MPHOSPH8: variants seen among roughly 807,000 people sequenced by gnomAD.
MPHOSPH8 encodes the protein M-phase phosphoprotein 8, also known as M-phase phosphoprotein, mpp.
Under a neutral mutation model 87.3 loss-of-function variants are expected in MPHOSPH8, and 45 were observed. That is an observed-to-expected ratio of 0.52 (90% CI 0.41 to 0.66). MPHOSPH8 has a LOEUF of 0.66. Among genes scored for constraint, MPHOSPH8 ranks in the 30% least tolerant of loss-of-function variants. The probability of loss-of-function intolerance (pLI) is 0.00; values close to 1 mark genes in which losing one functional copy is unlikely to be tolerated. For missense variants in MPHOSPH8, 883 were observed against 1,020.2 expected (o/e 0.87, Z 1.83); for synonymous variants, 366 against 376.9 (o/e 0.97, Z 0.33).
intron 1 of MPHOSPH8, among the ~76,000 whole-genome samples, chr13:19,639,246 G>T (rs1002633384): frequency 1.3e-5 from 2 of 151,846 alleles, no homozygotes; most frequent in African/African-American, 4.8e-5. Context: ...CTAGTTGCTT[G>T]CGACTCCTCC....
intron 4 of MPHOSPH8, among the ~76,000 whole-genome samples, chr13:19,648,868 G>A (rs953602802): frequency 4.0e-5 from 6 of 151,818 alleles, no homozygotes; most frequent in Non-Finnish European, 7.4e-5. Flanking sequence ...TATAAATATT[G>A]GAACAAATAC....
At chr13:19,670,987 T>G (rs1217929528) in intron 12 of MPHOSPH8, 1 of 1,162,556 alleles carries the variant, frequency 8.6e-7, no homozygotes. Context: ...ATCCGGCTAA[T>G]TTTTTGTATT....
At chr13:19,650,737 T>G (rs1217162988) in intron 5 of MPHOSPH8, among the ~76,000 whole-genome samples, 1 of 140,952 alleles carries the variant, frequency 7.1e-6, no homozygotes, top group Non-Finnish European at 1.6e-5. Context: ...CTAAAAAGTG[T>G]ACATACATGT....
intron 5 of MPHOSPH8, among the ~76,000 whole-genome samples, chr13:19,653,926 G>A (rs773922544): frequency 6.6e-6 from 1 of 152,158 alleles, no homozygotes; most frequent in Non-Finnish European, 1.5e-5. Flanking sequence ...CCAAATCTAC[G>A]TTTAATTAGT....
Position 19,633,948 on chromosome 13 carries a change from T to G in MPHOSPH8, c.200T>G (p.Met67Arg). Residue 67 changes from methionine to arginine, a missense_variant, in exon 1 of 14, where the codon ATG (methionine) becomes AGG (arginine). By Grantham distance (91) the Met-to-Arg change is moderately conservative. Coordinates refer to ENST00000361479, the MANE Select transcript of MPHOSPH8 (RefSeq NM_017520.4). ...TTCGAGGTGGAGAAGATCCTGGACA[T>G]GAAGACCGAGGGGGTATGTGGAGGG... ...DVFEVEKILD[M>R]KTEGGKVLYK... 1.2e-6 allele frequency: 2 copies of G among 1,608,502 alleles called. No homozygotes were observed. The highest frequency in any genetic ancestry group is 1.7e-6 in the Non-Finnish European group (2 of 1,178,162).
At chr13:19,639,172 C>CT (rs1168958310) in intron 1 of MPHOSPH8, among the ~76,000 whole-genome samples, 1 of 151,512 alleles carries the variant, frequency 6.6e-6, no homozygotes, top group Non-Finnish European at 1.5e-5. Flanking sequence ...GTCTGTGTGT[C>CT]TTTGTTTGGA....
chr13:19,670,448 A>C, intron 12 of MPHOSPH8, 85 bp downstream of exon 12: 1 of 1,433,086 alleles, frequency 7.0e-7, no homozygotes, highest in Non-Finnish European at 9.5e-7. Context: ...CCTGTGTCTT[A>C]ATAAAATATA....
Position 19,671,250 on chromosome 13 carries a change from TA to T in MPHOSPH8, c.2505del (p.Lys835AsnfsTer4), listed in dbSNP as rs761578019. The T allele has an allele frequency of 1.9e-6, 3 of 1,614,136 alleles. No homozygotes were observed. The Admixed American group carries it at 5.0e-5, about 27-fold the overall frequency. On this transcript the variant is annotated frameshift_variant, in exon 13 of 14. Transcript: ENST00000361479. LOFTEE classifies it high-confidence loss of function. ...YSFSPVAGPN[K>X]LFIRLTEAPS... ...CATTCAGCCCTGTTGCAGGTCCCAATAAACTCTTCATAAGGTTGACAGAAGC... is the reference window on the plus strand; with the variant it reads ...CATTCAGCCCTGTTGCAGGTCCCAATAACTCTTCATAAGGTTGACAGAAGC...
intron 7 of MPHOSPH8, chr13:19,661,024 G>A (rs1875496236): frequency 2.2e-6 from 2 of 924,018 alleles, no homozygotes; most frequent in East Asian, 1.2e-4. Context: ...ACTTGAGGCT[G>A]TGGCAGGAGG....
Position 19,671,976 on chromosome 13 carries a change from C to A in MPHOSPH8, c.*101C>A, listed in dbSNP as rs1158693360. 1.6e-6 allele frequency: 2 copies of A among 1,215,166 alleles called. No individual in the cohort carries two copies. The highest frequency in any genetic ancestry group is 2.4e-6 in the Non-Finnish European group (2 of 831,876). 75.3% of individuals were successfully genotyped at this position (1,215,166 alleles called of 1,614,324 possible). A position where few individuals can be genotyped will look rare whatever the true frequency, so the allele number is the denominator to read the frequency against. ...CTAGCACATCTATGTAAAGTTTTGT[C>A]TGTAAACCTCTTGCAGTTAAGCCTG... On this transcript the variant is annotated 3_prime_UTR_variant, in exon 14 of 14. Transcript: ENST00000361479.
intron 10 of MPHOSPH8, among the ~76,000 whole-genome samples, chr13:19,667,042 A>G (rs1875857786): frequency 6.6e-6 from 1 of 151,782 alleles, no homozygotes; most frequent in Non-Finnish European, 1.5e-5. Flanking sequence ...GGTACCTGTA[A>G]CCCCAGCTAC....
At chr13:19,650,409 T>C in intron 5 of MPHOSPH8, 149 bp downstream of exon 5, 1 of 887,142 alleles carries the variant, frequency 1.1e-6, no homozygotes, top group Non-Finnish European at 1.6e-6. Flanking sequence ...CATTTTATAT[T>C]GAAGACGGGT....
At chr13:19,660,918 A>G (rs968835942) in intron 7 of MPHOSPH8, 8 of 985,124 alleles carry the variant, frequency 8.1e-6, no homozygotes, top group Non-Finnish European at 9.6e-6. Flanking sequence ...TGTATGGTGC[A>G]AACTTTTCAT....
intron 13 of MPHOSPH8, among the ~76,000 whole-genome samples, chr13:19,671,552 T>C (rs1356998430): frequency 6.6e-6 from 1 of 152,182 alleles, no homozygotes; most frequent in African/African-American, 2.4e-5. Context: ...TAGGCCTTGG[T>C]ATGGAGTTGC....
rs779226905 is a variant in MPHOSPH8 at position 19,659,089 on chromosome 13, G to A, written c.1671G>A (p.Glu557=). ...AAAAGCACCTTGATGGGAAAGATGA[G>A]AATTTTGCTGCAACAGATGCAATTC... ...DFQKHLDGKD[E]NFAATDAIPS... is the part of the protein sequence containing the mutation. The change falls in exon 6 of 14, where the codon GAG becomes GAA. Residue 557 remains glutamate, a synonymous_variant. Transcript: ENST00000361479. 1 of 1,614,130 alleles carries A rather than the reference G, an allele frequency of 6.2e-7. No homozygotes were observed. The highest frequency in any genetic ancestry group is 8.5e-7 in the Non-Finnish European group (1 of 1,180,032).
At chr13:19,642,072 T>C in intron 1 of MPHOSPH8, 43 bp from the exon 2 acceptor site, 1 of 882,796 alleles carries the variant, frequency 1.1e-6, no homozygotes, top group East Asian at 3.6e-5. Flanking sequence ...TTTAATCAAG[T>C]TAGCAATCTG....
At position 19,642,147 on chromosome 13, in the gene MPHOSPH8, C is replaced by T; in HGVS notation, c.246C>T (p.Gly82=). 6.2e-7 allele frequency: 1 copy of T among 1,604,874 alleles called. No homozygotes were observed. Among genetic ancestry groups the T allele is most frequent in the South Asian group, 1.1e-5 (1 of 89,878 alleles). Residue 82 remains glycine (G), a synonymous_variant, in exon 2 of 14, where the codon GGC becomes GGT. Coordinates refer to ENST00000361479, the MANE Select transcript of MPHOSPH8 (RefSeq NM_017520.4). ...GKVLYKVRWK[G]YTSDDDTWEP... is the part of the protein sequence containing the mutation. ...TTCTTTACAAAGTTCGCTGGAAAGG[C>T]TATACATCGGATGATGATACCTGGG...
intron 11 of MPHOSPH8, among the ~76,000 whole-genome samples, chr13:19,669,110 A>T (rs532217849): frequency 2.6e-4 from 40 of 152,260 alleles, no homozygotes; most frequent in African/African-American, 9.6e-4. Context: ...TTCCTGGAAA[A>T]TGTATTTAAG....
chr13:19,652,639 CG>C (rs1565938207), intron 5 of MPHOSPH8, among the ~76,000 whole-genome samples: 1 of 152,100 alleles, frequency 6.6e-6, no homozygotes, highest in African/African-American at 2.4e-5. Context: ...TCTGGCTTGG[CG>C]GGTCCCACCC....
Sources: allele counts gnomAD v4.1 joint callset (sites outside exome capture counted in the v4.1 genomes callset), GRCh38; gene constraint gnomAD v4.1.1; transcripts MANE v1.5; gene names NCBI Gene and HGNC (gene_info 2026-07-23, HGNC 2026-07-21).